Variants in MGAT4C observed in about 807,000 individuals in gnomAD.
The protein encoded by MGAT4C is MGAT4 family member C.
MGAT4C carries 19 observed loss-of-function variants against 40.1 expected under a neutral mutation model. The observed-to-expected ratio is 0.47, with a 90% CI of 0.33 to 0.70. MGAT4C has a LOEUF of 0.70. MGAT4C is among the 30% of genes least tolerant of loss of function. The pLI is 0.02. For missense variants in MGAT4C, 491 were observed against 563.2 expected, an observed-to-expected ratio of 0.87 and a Z score of 1.30; for synonymous variants, 181 against 187.1, an observed-to-expected ratio of 0.97 and a Z score of 0.27.
At chr12:86,185,280 T>TAC (rs1888632584) in intron 1 of MGAT4C, among the ~76,000 whole-genome samples, 1 of 152,172 alleles carries the variant, frequency 6.6e-6, no homozygotes, top group Admixed American at 6.6e-5. Context: ...CTATCTTCAT[T>TAC]TTGGTAAGTA....
chr12:86,350,987 A>C (rs1955146922), intron 3 of MGAT4C, among the ~76,000 whole-genome samples: 1 of 151,686 alleles, frequency 6.6e-6, no homozygotes, highest in Middle Eastern at 3.2e-3. Flanking sequence ...ATCTATATAT[A>C]TAAACCCAGT....
At chr12:86,832,425 T>C (rs1439565090) in intron 1 of MGAT4C, among the ~76,000 whole-genome samples, 2 of 151,902 alleles carry the variant, frequency 1.3e-5, no homozygotes, top group Middle Eastern at 3.4e-3. Context: ...TATTTATCCA[T>C]ACTCATTCAG....
At chr12:86,349,938 A>C (rs1955124177) in intron 3 of MGAT4C, among the ~76,000 whole-genome samples, 1 of 152,016 alleles carries the variant, frequency 6.6e-6, no homozygotes, top group Non-Finnish European at 1.5e-5. Context: ...ATTCTTTCTA[A>C]ACTAAAATGT....
At chr12:86,150,488 G>T (rs1274554879) in intron 1 of MGAT4C, among the ~76,000 whole-genome samples, 1 of 152,116 alleles carries the variant, frequency 6.6e-6, no homozygotes, top group East Asian at 1.9e-4. Flanking sequence ...GTGTTAGTTT[G>T]CATACATGCT....
At chr12:86,449,830 C>G (rs1957395300) in intron 2 of MGAT4C, among the ~76,000 whole-genome samples, 1 of 152,026 alleles carries the variant, frequency 6.6e-6, no homozygotes, top group Non-Finnish European at 1.5e-5. Flanking sequence ...TTTACCCATT[C>G]CAAATTTGAT....
intron 4 of MGAT4C, among the ~76,000 whole-genome samples, chr12:86,326,417 A>T (rs1027757375): frequency 1.3e-5 from 2 of 152,086 alleles, no homozygotes; most frequent in Admixed American, 6.6e-5. Flanking sequence ...AAAACATCAC[A>T]GTGTACACGA....
intron 1 of MGAT4C, among the ~76,000 whole-genome samples, chr12:86,095,980 C>T (rs1873841927): frequency 6.6e-6 from 1 of 151,786 alleles, no homozygotes. Flanking sequence ...AACAATATTT[C>T]TGAAATTCTC....
chr12:86,296,818 G>A (rs1453728160), intron 4 of MGAT4C, among the ~76,000 whole-genome samples: 2 of 152,186 alleles, frequency 1.3e-5, no homozygotes, highest in Non-Finnish European at 1.5e-5. Context: ...TTCTGGCCTT[G>A]GCCAGCCCAG....
At chr12:86,567,875 A>G (rs1960200457) in intron 2 of MGAT4C, among the ~76,000 whole-genome samples, 1 of 152,164 alleles carries the variant, frequency 6.6e-6, no homozygotes, top group Admixed American at 6.6e-5. Flanking sequence ...TTTCTGATTT[A>G]TTGACTTCAT....
chr12:86,017,893 A>G (rs1889256119), intron 2 of MGAT4C, among the ~76,000 whole-genome samples: 1 of 152,190 alleles, frequency 6.6e-6, no homozygotes, highest in African/African-American at 2.4e-5. Context: ...AAATGTTATT[A>G]CATTTCTTCT....
chr12:86,315,692 C>A (rs1222737995), intron 4 of MGAT4C, among the ~76,000 whole-genome samples: 5 of 151,682 alleles, frequency 3.3e-5, no homozygotes, highest in Non-Finnish European at 5.9e-5. Context: ...GGGGACAGGG[C>A]GAGACTCCGT....
rs559871362 is a variant in MGAT4C, at chr12:86,510,959, A to G, written c.-228-75694T>C. 2.2e-4 allele frequency among the ~76,000 whole-genome samples: 33 copies of G among 152,184 alleles called. 1 individual carries two copies. Among genetic ancestry groups the G allele is most frequent in the African/African-American group, 1.7e-4 (7 of 41,510 alleles). ...AGACAGAAAGTCAACAAGGATACCCAGGAATTGAACTCAGCTCTGCACCAA... is the reference window on the plus strand; with the variant it reads ...AGACAGAAAGTCAACAAGGATACCCGGGAATTGAACTCAGCTCTGCACCAA... On this transcript the variant is annotated intron_variant, in intron 2 of 7. Coordinates refer to the MGAT4C transcript ENST00000548651.
At chr12:86,825,779 G>A (rs1952794615) in intron 1 of MGAT4C, among the ~76,000 whole-genome samples, 1 of 151,422 alleles carries the variant, frequency 6.6e-6, no homozygotes, top group African/African-American at 2.4e-5. Flanking sequence ...ACAACAGTGT[G>A]ATACTACAGT....
chr12:86,139,634 A>G, intron 1 of MGAT4C, among the ~76,000 whole-genome samples: 1 of 152,198 alleles, frequency 6.6e-6, no homozygotes, highest in African/African-American at 2.4e-5. Flanking sequence ...AACATGAATC[A>G]TTAATTAATT....
chr12:86,482,099 C>T (rs113784625), intron 2 of MGAT4C, among the ~76,000 whole-genome samples: 3 of 151,450 alleles, frequency 2.0e-5, no homozygotes, highest in African/African-American at 4.9e-5. Flanking sequence ...CACACACACA[C>T]ACAAGCAAGT....
intron 1 of MGAT4C, among the ~76,000 whole-genome samples, chr12:86,196,677 T>G (rs750613800): frequency 2.0e-5 from 3 of 152,224 alleles, no homozygotes; most frequent in Non-Finnish European, 4.4e-5. Context: ...CTCTCTGTTT[T>G]GTTTATTCCA....
chr12:86,489,250 G>C (rs1469295918), intron 2 of MGAT4C, among the ~76,000 whole-genome samples: 1 of 152,126 alleles, frequency 6.6e-6, no homozygotes, highest in Non-Finnish European at 1.5e-5. Flanking sequence ...TCAGGCAAGA[G>C]CAACTTACAC....
At chr12:86,296,145 G>A (rs949448088) in intron 4 of MGAT4C, among the ~76,000 whole-genome samples, 2 of 142,960 alleles carry the variant, frequency 1.4e-5, no homozygotes, top group African/African-American at 2.7e-5. Flanking sequence ...GGTGCTGACT[G>A]GTTTGTTTAC....
At chr12:86,393,695 G>C (rs1340384660) in intron 3 of MGAT4C, among the ~76,000 whole-genome samples, 1 of 152,106 alleles carries the variant, frequency 6.6e-6, no homozygotes, top group Non-Finnish European at 1.5e-5. Flanking sequence ...AGCCTTGGAG[G>C]GTATAGTAAT....
Sources: gnomAD v4.1 joint callset for allele counts (sites outside exome capture counted in the v4.1 genomes callset) on GRCh38, gnomAD v4.1.1 for gene constraint, MANE v1.5 for transcripts, NCBI Gene and HGNC (gene_info 2026-07-23, HGNC 2026-07-21) for gene names.